Variants in SAMMSON observed in about 807,000 individuals in gnomAD.
SAMMSON encodes long intergenic non-protein coding RNA 1212.
At chr3:70,097,260 G>A (rs2067326215) in intron 4 of SAMMSON, among the ~76,000 whole-genome samples, 1 of 152,198 alleles carries the variant, frequency 6.6e-6, no homozygotes, top group African/African-American at 2.4e-5. Flanking sequence ...CCAAGGTCAG[G>A]AGAGATGTGG....
intron 4 of SAMMSON, among the ~76,000 whole-genome samples, chr3:70,217,268 G>C (rs1358154642): frequency 6.6e-6 from 1 of 152,204 alleles, no homozygotes; most frequent in Non-Finnish European, 1.5e-5. Context: ...CCCCCATTCA[G>C]TACAAACGTA....
intron 6 of SAMMSON, among the ~76,000 whole-genome samples, chr3:70,284,351 T>C (rs1377369211): frequency 6.6e-6 from 1 of 152,176 alleles, no homozygotes; most frequent in East Asian, 1.9e-4. Flanking sequence ...CTAATAAAGT[T>C]TGCATTTGAG....
At chr3:70,217,143 G>A (rs1229348915) in intron 4 of SAMMSON, among the ~76,000 whole-genome samples, 1 of 152,180 alleles carries the variant, frequency 6.6e-6, no homozygotes, top group South Asian at 2.1e-4. Flanking sequence ...AAGTTTGTCT[G>A]TGTCAATTAA....
At chr3:70,183,308 A>G (rs1701068578) in intron 4 of SAMMSON, 1 of 152,160 alleles carries the variant, frequency 6.6e-6, no homozygotes, top group Non-Finnish European at 1.5e-5. Context: ...AATAGTTCAC[A>G]GTTCCCAGAG....
intron 4 of SAMMSON, among the ~76,000 whole-genome samples, chr3:70,241,649 G>C (rs1358955224): frequency 1.3e-5 from 2 of 152,124 alleles, no homozygotes; most frequent in Non-Finnish European, 2.9e-5. Context: ...CTCAGAAAGT[G>C]GTGGAAGCAA....
chr3:70,433,491 T>C (rs1272306998), intron 2 of SAMMSON, among the ~76,000 whole-genome samples: 1 of 152,128 alleles, frequency 6.6e-6, no homozygotes, highest in African/African-American at 2.4e-5. Context: ...TTTGCCTGTT[T>C]TTTAATCAGA....
intron 3 of SAMMSON, chr3:70,065,368 C>T (rs1460493301): frequency 1.3e-5 from 2 of 152,018 alleles, no homozygotes; most frequent in Admixed American, 6.6e-5. Flanking sequence ...GTCTTAATTA[C>T]CACCCGCCTG....
chr3:70,054,467 G>C (rs1450402940), intron 3 of SAMMSON, among the ~76,000 whole-genome samples: 2 of 152,056 alleles, frequency 1.3e-5, no homozygotes, highest in Non-Finnish European at 2.9e-5. Context: ...TCCTGTGTCT[G>C]TTGACTTTGC....
chr3:70,090,139 T>C (rs1345216019), intron 4 of SAMMSON, among the ~76,000 whole-genome samples: 2 of 152,280 alleles, frequency 1.3e-5, no homozygotes, highest in Non-Finnish European at 2.9e-5. Context: ...CTGCTTTCTT[T>C]CTCTTTAAGA....
chr3:70,157,618 G>A (rs890978282), intron 4 of SAMMSON, among the ~76,000 whole-genome samples: 2 of 151,934 alleles, frequency 1.3e-5, no homozygotes, highest in Admixed American at 1.3e-4. Flanking sequence ...AATGTCTAGG[G>A]GTAATCGTTT....
intron 4 of SAMMSON, among the ~76,000 whole-genome samples, chr3:70,163,342 A>AATAT (rs143014008): frequency 2.1e-3 from 298 of 145,060 alleles, no homozygotes; most frequent in East Asian, 5.5e-3. Context: ...ATCTATATAG[A>AATAT]ATATATATAT....
chr3:70,090,144 T>A (rs1294462889), intron 4 of SAMMSON, among the ~76,000 whole-genome samples: 1 of 152,170 alleles, frequency 6.6e-6, no homozygotes, highest in Non-Finnish European at 1.5e-5. Flanking sequence ...TTCTTTCTCT[T>A]TAAGAACAAA....
chr3:70,093,581 T>C (rs1027367585), intron 4 of SAMMSON, among the ~76,000 whole-genome samples: 1 of 152,136 alleles, frequency 6.6e-6, no homozygotes. Flanking sequence ...TGCACACAGG[T>C]CTCCTCTTTG....
chr3:70,120,513 A>C (rs1228422213), intron 4 of SAMMSON: 1 of 152,318 alleles, frequency 6.6e-6, no homozygotes, highest in African/African-American at 2.4e-5. Flanking sequence ...TGATGACAGA[A>C]GCTGCCTGCT....
intron 4 of SAMMSON, among the ~76,000 whole-genome samples, chr3:70,243,178 C>G (rs917072023): frequency 2.6e-5 from 4 of 152,040 alleles, no homozygotes; most frequent in African/African-American, 9.7e-5. Context: ...GTCTTTGGCT[C>G]ATGAACATCT....
At chr3:70,157,064 T>A (rs181111286) in intron 4 of SAMMSON, among the ~76,000 whole-genome samples, 1 of 152,256 alleles carries the variant, frequency 6.6e-6, no homozygotes, top group East Asian at 1.9e-4. Flanking sequence ...TAAAAAGATA[T>A]AGTCATGGGC....
At chr3:70,141,783 A>G (rs1188129621) in intron 4 of SAMMSON, among the ~76,000 whole-genome samples, 1 of 152,172 alleles carries the variant, frequency 6.6e-6, no homozygotes, top group African/African-American at 2.4e-5. Flanking sequence ...CAGAGATGTT[A>G]AGTGACCTCC....
intron 6 of SAMMSON, among the ~76,000 whole-genome samples, chr3:70,273,041 T>C (rs185064896): frequency 1.3e-5 from 2 of 152,226 alleles, no homozygotes; most frequent in African/African-American, 4.8e-5. Context: ...TCCTTCTCAC[T>C]CTCCTGCCTA....
At chr3:70,169,653 T>TC (rs953116808) in intron 4 of SAMMSON, among the ~76,000 whole-genome samples, 1 of 150,686 alleles carries the variant, frequency 6.6e-6, no homozygotes, top group Non-Finnish European at 1.5e-5. Flanking sequence ...TTCTTTTTTT[T>TC]TTTTTCCTTC....
Sources: allele counts gnomAD v4.1 joint callset (sites outside exome capture counted in the v4.1 genomes callset), GRCh38; gene constraint gnomAD v4.1.1; transcripts MANE v1.5; gene names NCBI Gene and HGNC (gene_info 2026-07-23, HGNC 2026-07-21).